The following UHRF1 variants were observed in gnomAD, a reference collection of about 807,000 sequenced individuals.
UHRF1 encodes E3 ubiquitin-protein ligase UHRF1.
Under a neutral mutation model 96.5 loss-of-function variants are expected in UHRF1, and 9 were observed. That is an observed-to-expected ratio of 0.09 (90% CI 0.06 to 0.16). The LOEUF (loss-of-function observed/expected upper bound fraction) is 0.16. Among genes scored for constraint, UHRF1 ranks in the 10% least tolerant of loss-of-function variants. UHRF1 has a pLI of 1.00. For synonymous variants in UHRF1, 455 were observed against 469.9 expected (o/e 0.97, Z 0.41); for missense variants, 626 against 1,131.1 (o/e 0.55, Z 6.40).
upstream of UHRF1, among the ~76,000 whole-genome samples, chr19:4,905,689 T>C (rs2032052345): frequency 6.6e-6 from 1 of 152,086 alleles, no homozygotes; most frequent in Admixed American, 6.6e-5. Context: ...GGCTAATTTT[T>C]GTATTTTTAG....
At chr19:4,935,589 C>T (rs970963541) in intron 5 of UHRF1, among the ~76,000 whole-genome samples, 1 of 151,810 alleles carries the variant, frequency 6.6e-6, no homozygotes, top group African/African-American at 2.4e-5. Flanking sequence ...CCTGCAGTTC[C>T]CAGGGCCCAC....
chr19:4,925,781 C>G (rs1015556778), intron 2 of UHRF1, among the ~76,000 whole-genome samples: 2 of 152,198 alleles, frequency 1.3e-5, no homozygotes, highest in African/African-American at 4.8e-5. Flanking sequence ...GTTGGCCTCC[C>G]AAAGTGCTGG....
chr19:4,922,917 G>A (rs1344010778), intron 2 of UHRF1, among the ~76,000 whole-genome samples: 2 of 152,196 alleles, frequency 1.3e-5, no homozygotes, highest in African/African-American at 2.4e-5. Flanking sequence ...CCTTTCCGAT[G>A]TGGGAAGGGC....
Position 4,958,797 on chromosome 19 carries a change from C to T in UHRF1, c.2236-1860C>T, listed in dbSNP as rs541796986. On this transcript the variant is annotated intron_variant, in intron 16 of 16. Coordinates refer to ENST00000650932, the MANE Select transcript of UHRF1 (RefSeq NM_001048201.3). ...GACCAGCCCGGGCAACATGGTGAAACCCCATCTCTACTAAAAATTAAAACA... is the reference window on the plus strand; with the variant it reads ...GACCAGCCCGGGCAACATGGTGAAATCCCATCTCTACTAAAAATTAAAACA... Among the ~76,000 whole-genome samples, 4 of 151,994 alleles carry T rather than the reference C, an allele frequency of 2.6e-5. No homozygotes were observed. In the East Asian group the frequency reaches 7.8e-4, roughly 30 times the overall value.
Position 4,954,846 on chromosome 19 carries a change from C to A in UHRF1, c.2130+24C>A. The stretch of plus-strand genomic sequence containing the variant: ...CGGTAGGCTCGCACGGCTCACTCGT[C>A]GCCCTGATTTGCGTTGACTGCGGTA... On this transcript the variant is annotated intron_variant, in intron 15 of 16. Transcript: ENST00000650932. The surrounding 1 kb of genome is among the most constrained non-coding windows in gnomAD (Gnocchi z 5.9). 1 of 1,609,994 alleles carries A rather than the reference C, an allele frequency of 6.2e-7. No homozygotes were observed. Among genetic ancestry groups the A allele is most frequent in the Non-Finnish European group, 8.5e-7 (1 of 1,178,018 alleles).
chr19:4,929,006 C>T (rs1001398937), intron 2 of UHRF1, among the ~76,000 whole-genome samples: 3 of 152,190 alleles, frequency 2.0e-5, no homozygotes, highest in South Asian at 2.1e-4. Context: ...AAAGCCCTCG[C>T]TAGAGGGGCC....
At chr19:4,916,579 TC>T (rs1256882258) in intron 2 of UHRF1, among the ~76,000 whole-genome samples, 1 of 152,076 alleles carries the variant, frequency 6.6e-6, no homozygotes, top group Non-Finnish European at 1.5e-5. Flanking sequence ...AGGGCAGAGT[TC>T]CGCTGTCACT....
chr19:4,906,505 G>A (rs542151487), upstream of UHRF1, among the ~76,000 whole-genome samples: 1 of 152,282 alleles, frequency 6.6e-6, no homozygotes, highest in African/African-American at 2.4e-5. Context: ...TGTAATCCCA[G>A]CACTTTGGGA....
rs371103293 is a variant in UHRF1, at chr19:4,956,830, G to A, written c.2235+17G>A. The A allele has an allele frequency of 1.5e-5, 24 of 1,571,118 alleles. No homozygotes were observed. The highest frequency in any genetic ancestry group is 1.7e-4 in the Middle Eastern group (1 of 6,024). ...GTGTGCAAGGTGAGTAGAGATGGCC[G>A]CGGGAGCCGGGTGGAAGGTTCTGGA... On this transcript the variant is annotated intron_variant, in intron 16 of 16. Coordinates refer to ENST00000650932, the MANE Select transcript of UHRF1 (RefSeq NM_001048201.3).
At position 4,960,773 on chromosome 19, in the gene UHRF1, G is replaced by C; in HGVS notation, c.2352G>C (p.Gln784His). ...VNQPLQTVLN[Q>H]LFPGYGNGR ...AGCCTCTGCAGACCGTCCTCAACCA[G>C]CTCTTCCCCGGCTACGGCAATGGCC... is the stretch of plus-strand genomic sequence containing the variant. Residue 784 changes from glutamine to histidine, a missense_variant, in exon 17 of 17, where the codon CAG becomes CAC. Coordinates refer to ENST00000650932, the MANE Select transcript of UHRF1 (RefSeq NM_001048201.3). 6.3e-7 allele frequency: 1 copy of C among 1,575,310 alleles called. No homozygotes were observed. The highest frequency in any genetic ancestry group is 8.6e-7 in the Non-Finnish European group (1 of 1,157,792).
At chr19:4,950,393 G>A (rs888465612) in intron 11 of UHRF1, among the ~76,000 whole-genome samples, 19 of 151,710 alleles carry the variant, frequency 1.3e-4, no homozygotes, top group Non-Finnish European at 1.9e-4. Flanking sequence ...ACAGGCACGC[G>A]CCACCACGCC....
intron 5 of UHRF1, among the ~76,000 whole-genome samples, chr19:4,937,821 C>T (rs1188365399): frequency 1.3e-5 from 2 of 152,094 alleles, no homozygotes; most frequent in African/African-American, 4.8e-5. Flanking sequence ...GTAAAATTTA[C>T]GTTAATTCTT....
At chr19:4,910,658 T>C in intron 1 of UHRF1, 1 of 419,328 alleles carries the variant, frequency 2.4e-6, no homozygotes, top group Non-Finnish European at 4.2e-6. Context: ...TCCTTCCTCC[T>C]CAATCTTCAA....
intron 5 of UHRF1, among the ~76,000 whole-genome samples, chr19:4,936,697 T>A (rs1462922214): frequency 2.0e-5 from 3 of 151,930 alleles, no homozygotes; most frequent in African/African-American, 4.8e-5. Context: ...GTCCCAGCAC[T>A]TTGGGAGGCT....
chr19:4,957,529 C>T lies in UHRF1; in HGVS notation c.2235+716C>T, dbSNP rs185717447. The stretch of plus-strand genomic sequence containing the variant: ...TTCACCGTGTTAGCCAGGATGGTTT[C>T]GATCTCCTGACCTTGTCATCCACCC... On this transcript the variant is annotated intron_variant, in intron 16 of 16. Coordinates refer to ENST00000650932, the MANE Select transcript of UHRF1 (RefSeq NM_001048201.3). Among the ~76,000 whole-genome samples the T allele has an allele frequency of 5.3e-5, 8 of 152,148 alleles. No individual in the cohort carries two copies. The South Asian group carries it at 1.5e-3, about 28-fold the overall frequency.
intron 1 of UHRF1, chr19:4,910,384 C>G (rs911291094): frequency 6.7e-6 from 1 of 148,502 alleles, no homozygotes; most frequent in Non-Finnish European, 1.5e-5. Context: ...CGAGGGGTCC[C>G]GGGGTCCGCG....
At chr19:4,933,170 A>T (rs2033110556) in intron 5 of UHRF1, among the ~76,000 whole-genome samples, 1 of 152,186 alleles carries the variant, frequency 6.6e-6, no homozygotes, top group Admixed American at 6.5e-5. Context: ...GCCTCTGCCC[A>T]GGGAACTGTC....
chr19:4,911,949 C>T (rs372914963), intron 2 of UHRF1, among the ~76,000 whole-genome samples: 6 of 152,236 alleles, frequency 3.9e-5, no homozygotes, highest in East Asian at 3.9e-4. Context: ...GATTTTGAAC[C>T]GGGTACTGCT....
At chr19:4,911,199 C>T (rs755414623) in intron 2 of UHRF1, among the ~76,000 whole-genome samples, 161 bp downstream of exon 2, 4 of 152,124 alleles carry the variant, frequency 2.6e-5, no homozygotes, top group African/African-American at 4.8e-5. Context: ...CCTCAAATGC[C>T]TGCGAGAGGA....
Sources: allele counts gnomAD v4.1 joint callset (sites outside exome capture counted in the v4.1 genomes callset), GRCh38; gene constraint gnomAD v4.1.1; non-coding constraint Gnocchi (gnomAD v3.1); transcripts MANE v1.5; gene names NCBI Gene and HGNC (gene_info 2026-07-23, HGNC 2026-07-21).